ADAMTS6: variants seen among roughly 807,000 people sequenced by gnomAD.
ADAMTS6 encodes A disintegrin and metalloproteinase with thrombospondin motifs 6.
A neutral mutation model predicts 144.3 loss-of-function variants in ADAMTS6; 23 were observed. That is an observed-to-expected ratio of 0.16 (90% CI 0.11 to 0.23). The LOEUF (loss-of-function observed/expected upper bound fraction) is 0.23. Ranked by LOEUF, ADAMTS6 falls within the 10% of genes least tolerant of loss-of-function variation. The pLI, the probability that ADAMTS6 is intolerant of heterozygous loss-of-function variation, is 1.00. For missense variants in ADAMTS6, 999 were observed against 1,379.6 expected (o/e 0.72, Z 4.37); for synonymous variants, 444 against 457.5 (o/e 0.97, Z 0.38).
chr5:65,270,261 A>G (rs1761950632), intron 12 of ADAMTS6, among the ~76,000 whole-genome samples: 1 of 152,230 alleles, frequency 6.6e-6, no homozygotes, highest in South Asian at 2.1e-4. Flanking sequence ...GCTCTGGGTC[A>G]AAATTCTGAG....
In ADAMTS6 at chr5:65,334,035, A is replaced by AAAAAAAAAACC; in HGVS notation, c.1117+6_1117+7insGGTTTTTTTTT. The AAAAAAAAAACC allele has an allele frequency of 6.9e-7, 1 of 1,440,874 alleles. No homozygotes were observed. Among genetic ancestry groups the AAAAAAAAAACC allele is most frequent in the Non-Finnish European group, 9.1e-7 (1 of 1,099,630 alleles). The allele number at this position is 1,440,874 out of a possible 1,614,324, so 89.3% of individuals were successfully genotyped here. The stretch of plus-strand genomic sequence containing the variant: ...AAAAAAAAAAAAAAAAACCAAAAAA[A>AAAAAAAAAACC]ACTTACCCAGTGTTCCACAGGGCTT... On this transcript the variant is annotated splice_region_variant and intron_variant, in intron 8 of 24. Transcript: ENST00000381055.
At chr5:65,403,815 C>G (rs892375615) in intron 7 of ADAMTS6, among the ~76,000 whole-genome samples, 1 of 152,024 alleles carries the variant, frequency 6.6e-6, no homozygotes, top group Non-Finnish European at 1.5e-5. Context: ...TTTATCACTA[C>G]GTACCTTATT....
chr5:65,391,806 G>T (rs1212791423), intron 7 of ADAMTS6, among the ~76,000 whole-genome samples: 1 of 151,508 alleles, frequency 6.6e-6, no homozygotes, highest in Admixed American at 6.6e-5. Context: ...CATGATCTTG[G>T]CTCACTGCAA....
At chr5:65,425,401 T>A (rs1047293457) in intron 7 of ADAMTS6, among the ~76,000 whole-genome samples, 3 of 152,184 alleles carry the variant, frequency 2.0e-5, no homozygotes, top group Non-Finnish European at 4.4e-5. Context: ...TATCCTAACA[T>A]CCTACCATCA....
At chr5:65,270,029 G>A (rs992512742) in intron 12 of ADAMTS6, among the ~76,000 whole-genome samples, 1 of 152,068 alleles carries the variant, frequency 6.6e-6, no homozygotes, top group African/African-American at 2.4e-5. Flanking sequence ...CCTGACCTAA[G>A]GTGATCAGCC....
At chr5:65,480,830 A>G (rs1761149759) in intron 1 of ADAMTS6, among the ~76,000 whole-genome samples, 1 of 152,204 alleles carries the variant, frequency 6.6e-6, no homozygotes, top group Admixed American at 6.5e-5. Context: ...AGAGCTTAAC[A>G]TGTCCTAGAG....
At chr5:65,378,971 G>A (rs1751802498) in intron 7 of ADAMTS6, among the ~76,000 whole-genome samples, 1 of 151,986 alleles carries the variant, frequency 6.6e-6, no homozygotes, top group Non-Finnish European at 1.5e-5. Context: ...AAAAAGTCAT[G>A]ATCTTATTGT....
intron 9 of ADAMTS6, among the ~76,000 whole-genome samples, chr5:65,325,024 G>A (rs1356785849): frequency 6.6e-6 from 1 of 152,146 alleles, no homozygotes; most frequent in Non-Finnish European, 1.5e-5. Context: ...ATGCTCAGCG[G>A]AAATACCTAG....
At position 65,170,778 on chromosome 5, in the gene ADAMTS6, A is replaced by T; in HGVS notation, c.3088-5T>A. 1 of 1,606,174 alleles carries T rather than the reference A, an allele frequency of 6.2e-7. No homozygotes were observed. Among genetic ancestry groups the T allele is most frequent in the Non-Finnish European group, 8.5e-7 (1 of 1,175,256 alleles). On this transcript the variant is annotated splice_polypyrimidine_tract_variant and splice_region_variant and intron_variant, in intron 23 of 24. Coordinates refer to ENST00000381055, the MANE Select transcript of ADAMTS6 (RefSeq NM_197941.4). ...AAGGCCACACTGAGCAGAACACTAA[A>T]TCCAAAGACACAAAGAAACAAAATA...
chr5:65,391,019 ATC>A (rs975979588), intron 7 of ADAMTS6, among the ~76,000 whole-genome samples: 25 of 150,708 alleles, frequency 1.7e-4, no homozygotes, highest in African/African-American at 5.9e-4. Context: ...CAGTAGCACG[ATC>A]TCTGTTCACC....
intron 11 of ADAMTS6, among the ~76,000 whole-genome samples, chr5:65,277,837 A>T (rs982068314): frequency 9.2e-5 from 14 of 151,988 alleles, no homozygotes; most frequent in Admixed American, 5.9e-4. Flanking sequence ...ACTTTTTTTT[A>T]AATTTTTTAT....
chr5:65,191,497 C>G (rs1755014823), intron 21 of ADAMTS6, among the ~76,000 whole-genome samples: 1 of 151,960 alleles, frequency 6.6e-6, no homozygotes, highest in Non-Finnish European at 1.5e-5. Context: ...GGCTTTGTCC[C>G]AGAGTCAAGG....
chr5:65,256,755 T>C (rs940872865), intron 14 of ADAMTS6, among the ~76,000 whole-genome samples: 2 of 152,110 alleles, frequency 1.3e-5, no homozygotes, highest in African/African-American at 4.8e-5. Context: ...CGCCCAACCC[T>C]GCAATTATAT....
At chr5:65,400,870 C>T (rs564269801) in intron 7 of ADAMTS6, among the ~76,000 whole-genome samples, 2 of 152,172 alleles carry the variant, frequency 1.3e-5, no homozygotes, top group African/African-American at 2.4e-5. Context: ...TCCGTTACAG[C>T]GTTTTTGATC....
intron 7 of ADAMTS6, 78 bp from the exon 8 acceptor site, chr5:65,334,163 C>T (rs993070743): frequency 3.2e-5 from 46 of 1,422,814 alleles, no homozygotes; most frequent in Non-Finnish European, 4.3e-5. Flanking sequence ...ATACTTCTCT[C>T]CTGAAGTTGT....
intron 7 of ADAMTS6, among the ~76,000 whole-genome samples, chr5:65,446,062 C>A (rs1758252024): frequency 6.6e-6 from 1 of 152,012 alleles, no homozygotes; most frequent in Non-Finnish European, 1.5e-5. Flanking sequence ...TCGTATAAAC[C>A]AAATATATTC....
intron 7 of ADAMTS6, among the ~76,000 whole-genome samples, chr5:65,442,832 T>G (rs1320673595): frequency 6.6e-6 from 1 of 151,992 alleles, no homozygotes; most frequent in Non-Finnish European, 1.5e-5. Context: ...TCCCTCCCCT[T>G]CCCCTACCCT....
intron 3 of ADAMTS6, among the ~76,000 whole-genome samples, chr5:65,467,214 T>C (rs1361753247): frequency 1.3e-5 from 2 of 151,766 alleles, no homozygotes; most frequent in South Asian, 2.1e-4. Flanking sequence ...GAGAAAAAGA[T>C]AAGCGAAGCA....
intron 7 of ADAMTS6, among the ~76,000 whole-genome samples, chr5:65,354,661 A>C (rs1344233073): frequency 5.3e-5 from 8 of 151,796 alleles, no homozygotes; most frequent in African/African-American, 1.9e-4. Flanking sequence ...TACAAATTTC[A>C]AATTTCGCTC....
Sources: gnomAD v4.1 joint callset for allele counts (sites outside exome capture counted in the v4.1 genomes callset) on GRCh38, gnomAD v4.1.1 for gene constraint, MANE v1.5 for transcripts, NCBI Gene and HGNC (gene_info 2026-07-23, HGNC 2026-07-21) for gene names.